EXOC6B: variants seen among roughly 807,000 people sequenced by gnomAD.
The protein encoded by EXOC6B is SEC15 homolog B.
A neutral mutation model predicts 113.5 loss-of-function variants in EXOC6B; 54 were observed. That is an observed-to-expected ratio of 0.48 (90% confidence interval 0.38 to 0.60). The LOEUF (loss-of-function observed/expected upper bound fraction) is 0.60, where lower values mean the gene tolerates loss of function less well. EXOC6B is among the 20% of genes least tolerant of loss of function. The pLI is 0.00. For synonymous variants in EXOC6B, 357 were observed against 339.0 expected, an observed-to-expected ratio of 1.05 and a Z score of -0.58; for missense variants, 797 against 977.5, an observed-to-expected ratio of 0.82 and a Z score of 2.46.
At chr2:72,562,658 C>A (rs1703950315) in intron 7 of EXOC6B, among the ~76,000 whole-genome samples, 1 of 152,112 alleles carries the variant, frequency 6.6e-6, no homozygotes. Context: ...CCAAATTTGA[C>A]AAATCATTAT....
In EXOC6B at chr2:72,177,176, C is replaced by T. The variant is rs959355091; in HGVS notation, c.*2159G>A. 2 of 152,188 alleles carry T rather than the reference C, an allele frequency of 1.3e-5. No homozygotes were observed. Among genetic ancestry groups the T allele is most frequent in the Non-Finnish European group, 2.9e-5 (2 of 68,046 alleles). The allele number at this position is 152,188 out of a possible 1,614,324, so 9.4% of individuals were successfully genotyped here. Reference sequence around the variant, plus strand: ...TGAATAAGCTTTTCCTTTCATGGGACTTCTGTGCAGAATAACCCCTATTCC... The same window carrying T: ...TGAATAAGCTTTTCCTTTCATGGGATTTCTGTGCAGAATAACCCCTATTCC... On this transcript the variant is annotated 3_prime_UTR_variant, in exon 22 of 22. Transcript: ENST00000272427.
intron 1 of EXOC6B, among the ~76,000 whole-genome samples, chr2:72,761,422 G>C (rs1301850580): frequency 1.3e-5 from 2 of 151,990 alleles, no homozygotes; most frequent in African/African-American, 2.4e-5. Flanking sequence ...TTGCATTTAG[G>C]GCACTCTCCA....
chr2:72,431,511 A>ATCTC (rs1402792076), intron 18 of EXOC6B, among the ~76,000 whole-genome samples: 2 of 151,024 alleles, frequency 1.3e-5, no homozygotes, highest in Admixed American at 1.3e-4. Context: ...CTATCTATCT[A>ATCTC]TCTATCTATC....
chr2:72,535,167 T>C (rs551523488), intron 8 of EXOC6B, among the ~76,000 whole-genome samples: 1 of 152,318 alleles, frequency 6.6e-6, no homozygotes, highest in East Asian at 1.9e-4. Context: ...ACCATTCAAG[T>C]TTTTAGCAAG....
intron 13 of EXOC6B, among the ~76,000 whole-genome samples, chr2:72,497,486 C>T (rs1479096454): frequency 6.6e-6 from 1 of 152,078 alleles, no homozygotes; most frequent in African/African-American, 2.4e-5. Flanking sequence ...ACAGAAGACT[C>T]ACTGAAGGCG....
intron 6 of EXOC6B, among the ~76,000 whole-genome samples, chr2:72,696,922 T>C (rs1677922151): frequency 6.6e-6 from 1 of 152,136 alleles, no homozygotes; most frequent in African/African-American, 2.4e-5. Context: ...GTCAAATATA[T>C]TATGTGGTAA....
intron 8 of EXOC6B, chr2:72,515,636 A>G (rs1191576736): frequency 1.0e-6 from 1 of 988,764 alleles, no homozygotes; most frequent in African/African-American, 1.7e-5. Flanking sequence ...AAAAAACAAA[A>G]ACAAAAGCAT....
At chr2:72,709,245 C>G (rs1472099376) in intron 6 of EXOC6B, among the ~76,000 whole-genome samples, 2 of 151,878 alleles carry the variant, frequency 1.3e-5, no homozygotes, top group African/African-American at 2.4e-5. Context: ...ATTTCAGTTC[C>G]CTTAGCATTA....
chr2:72,236,450 C>T (rs1342153284), intron 20 of EXOC6B, among the ~76,000 whole-genome samples: 1 of 152,086 alleles, frequency 6.6e-6, no homozygotes, highest in Non-Finnish European at 1.5e-5. Context: ...TTTAGATTTC[C>T]AAAATCGCCA....
At chr2:72,461,995 T>A (rs573162544) in intron 18 of EXOC6B, 1 of 152,200 alleles carries the variant, frequency 6.6e-6, no homozygotes, top group Non-Finnish European at 1.5e-5. Flanking sequence ...TACAAATGAA[T>A]TTCAGAATGA....
chr2:72,456,199 C>T (rs1438326987), intron 18 of EXOC6B, among the ~76,000 whole-genome samples: 1 of 152,070 alleles, frequency 6.6e-6, no homozygotes, highest in Admixed American at 6.6e-5. Context: ...CACTTGAAAA[C>T]AATACTCTTT....
At chr2:72,627,573 T>C (rs1558858723) in intron 6 of EXOC6B, among the ~76,000 whole-genome samples, 2 of 152,202 alleles carry the variant, frequency 1.3e-5, no homozygotes, top group African/African-American at 4.8e-5. Context: ...AAGTTAATAA[T>C]AAAAGTTCTT....
intron 19 of EXOC6B, among the ~76,000 whole-genome samples, chr2:72,340,541 G>C (rs1044407537): frequency 6.6e-6 from 1 of 152,140 alleles, no homozygotes. Context: ...CATCAGTACA[G>C]TATTGTTTCC....
chr2:72,419,377 G>A (rs1349468183), intron 18 of EXOC6B, among the ~76,000 whole-genome samples: 4 of 152,080 alleles, frequency 2.6e-5, no homozygotes, highest in East Asian at 1.9e-4. Context: ...AATGGCCCAC[G>A]TATTTACTGT....
At position 72,420,226 on chromosome 2, in the gene EXOC6B, T is replaced by C. The variant is rs190727497; in HGVS notation, c.1981-40356A>G. Among the ~76,000 whole-genome samples the C allele has an allele frequency of 8.5e-5, 13 of 152,288 alleles. No individual in the cohort carries two copies. The East Asian group carries it at 2.3e-3, about 27-fold the overall frequency. On this transcript the variant is annotated intron_variant, in intron 18 of 21. Transcript: ENST00000272427. ...ATTTTTTTTCCACATTTTTGTGTAG[T>C]TCTTTGAGAATCTTTTTTATTATTA...
chr2:72,321,377 A>C (rs1452510602), intron 20 of EXOC6B, among the ~76,000 whole-genome samples: 1 of 152,082 alleles, frequency 6.6e-6, no homozygotes, highest in Admixed American at 6.6e-5. Flanking sequence ...TCTCCTAAAA[A>C]TACAAGAATT....
chr2:72,654,845 C>T (rs1558886063), intron 6 of EXOC6B, among the ~76,000 whole-genome samples: 1 of 152,140 alleles, frequency 6.6e-6, no homozygotes, highest in Non-Finnish European at 1.5e-5. Context: ...AGCATGTTTT[C>T]TTGGGCTTTA....
intron 18 of EXOC6B, among the ~76,000 whole-genome samples, chr2:72,401,549 A>G (rs541648887): frequency 0.018 from 289 of 15,644 alleles, 26 homozygotes; most frequent in East Asian, 0.11. Flanking sequence ...ATATATGTGT[A>G]TATATATATA....
intron 20 of EXOC6B, among the ~76,000 whole-genome samples, chr2:72,231,134 C>T (rs1681595423): frequency 6.6e-6 from 1 of 152,116 alleles, no homozygotes; most frequent in Non-Finnish European, 1.5e-5. Context: ...TTCCCAACTT[C>T]CTATTACCCA....
Sources: gnomAD v4.1 joint callset for allele counts (sites outside exome capture counted in the v4.1 genomes callset) on GRCh38, gnomAD v4.1.1 for gene constraint, MANE v1.5 for transcripts, NCBI Gene and HGNC (gene_info 2026-07-23, HGNC 2026-07-21) for gene names.